Variants in DIAPH3 observed in about 807,000 individuals in gnomAD.
The protein encoded by DIAPH3 is protein diaphanous homolog 3.
In DIAPH3, 117 loss-of-function variants were observed where a neutral mutation model predicts 144.3. The observed-to-expected ratio is 0.81, with a 90% CI of 0.70 to 0.95. The LOEUF is 0.95. Among genes scored for constraint, DIAPH3 ranks in the 40% least tolerant of loss-of-function variants. The pLI, the probability that DIAPH3 is intolerant of heterozygous loss-of-function variation, is 0.00. For synonymous variants in DIAPH3, 519 were observed against 488.9 expected, an observed-to-expected ratio of 1.06 and a Z score of -0.81; for missense variants, 1,421 against 1,412.7, an observed-to-expected ratio of 1.01 and a Z score of -0.09.
intron 20 of DIAPH3, among the ~76,000 whole-genome samples, chr13:59,891,941 T>C (rs1170686031): frequency 6.6e-6 from 1 of 152,006 alleles, no homozygotes; most frequent in African/African-American, 2.4e-5. Flanking sequence ...TCATTGTGTA[T>C]CAAATATTTA....
chr13:60,155,783 A>C (rs1197571121), intron 1 of DIAPH3, among the ~76,000 whole-genome samples: 1 of 152,200 alleles, frequency 6.6e-6, no homozygotes. Context: ...ATCTTTTCCC[A>C]GCTTCCTAGA....
chr13:59,971,839 G>A (rs2050399767), intron 15 of DIAPH3, among the ~76,000 whole-genome samples: 1 of 152,066 alleles, frequency 6.6e-6, no homozygotes, highest in African/African-American at 2.4e-5. Flanking sequence ...TGTACATGCT[G>A]GTCCCTCTGC....
intron 27 of DIAPH3, among the ~76,000 whole-genome samples, chr13:59,693,722 A>G (rs2033655062): frequency 6.6e-6 from 1 of 152,198 alleles, no homozygotes; most frequent in Admixed American, 6.5e-5. Flanking sequence ...AAAGAAAATT[A>G]TTGTAAAATG....
intron 22 of DIAPH3, among the ~76,000 whole-genome samples, chr13:59,852,027 G>GT (rs1162404082): frequency 1.3e-5 from 2 of 152,052 alleles, no homozygotes; most frequent in African/African-American, 4.8e-5. Context: ...CCAAACAGGA[G>GT]TTCAATAAGC....
intron 25 of DIAPH3, among the ~76,000 whole-genome samples, chr13:59,787,606 G>T (rs1372029421): frequency 6.6e-6 from 1 of 151,992 alleles, no homozygotes; most frequent in African/African-American, 2.4e-5. Context: ...ACAATGAAAG[G>T]ATAAGCTGGA....
intron 9 of DIAPH3, among the ~76,000 whole-genome samples, chr13:59,998,594 A>G (rs2052347727): frequency 6.6e-6 from 1 of 152,146 alleles, no homozygotes; most frequent in African/African-American, 2.4e-5. Flanking sequence ...AGATTCAGAA[A>G]ACTGCCAGTA....
chr13:59,696,483 C>G (rs2033808252), intron 27 of DIAPH3, among the ~76,000 whole-genome samples: 1 of 152,170 alleles, frequency 6.6e-6, no homozygotes, highest in African/African-American at 2.4e-5. Flanking sequence ...TGCTATGCAT[C>G]CCATTACGGT....
intron 27 of DIAPH3, among the ~76,000 whole-genome samples, chr13:59,698,919 T>G (rs572835183): frequency 6.6e-6 from 1 of 152,326 alleles, no homozygotes; most frequent in African/African-American, 2.4e-5. Context: ...ATGTCCTCTC[T>G]CCTTTTTGGT....
chr13:59,677,873 G>A (rs2032729496), intron 27 of DIAPH3, among the ~76,000 whole-genome samples: 1 of 152,120 alleles, frequency 6.6e-6, no homozygotes, highest in Admixed American at 6.5e-5. Context: ...AAAGGCTAAA[G>A]ATTAAAAATA....
chr13:60,041,124 CCT>C, intron 5 of DIAPH3, among the ~76,000 whole-genome samples: 1 of 33,166 alleles, frequency 3.0e-5, no homozygotes, highest in African/African-American at 1.4e-4. Context: ...TTTAAATGAA[CCT>C]GGACAAATAT....
intron 2 of DIAPH3, among the ~76,000 whole-genome samples, chr13:60,125,476 T>G (rs957149115): frequency 6.7e-6 from 1 of 148,308 alleles, no homozygotes; most frequent in African/African-American, 2.5e-5. Flanking sequence ...TCTGGGCTCA[T>G]GCAGTCCTCC....
intron 27 of DIAPH3, among the ~76,000 whole-genome samples, chr13:59,773,407 T>A (rs1010434679): frequency 1.3e-5 from 2 of 152,166 alleles, no homozygotes; most frequent in African/African-American, 2.4e-5. Flanking sequence ...AAAAAACTCA[T>A]ACAAAATCTG....
At chr13:59,902,450 C>T (rs1335169197) in intron 20 of DIAPH3, among the ~76,000 whole-genome samples, 3 of 152,160 alleles carry the variant, frequency 2.0e-5, no homozygotes, top group Non-Finnish European at 4.4e-5. Context: ...TCCTGTAAGG[C>T]TCGCAGAACT....
At chr13:59,683,541 T>C (rs1371189164) in intron 27 of DIAPH3, among the ~76,000 whole-genome samples, 2 of 152,036 alleles carry the variant, frequency 1.3e-5, no homozygotes, top group South Asian at 4.1e-4. Flanking sequence ...AGGGGACTCA[T>C]TGAAAGACAA....
In DIAPH3 at chr13:59,992,846, GA is replaced by G. The variant is rs200815478; in HGVS notation, c.1015-264del. 0.029 allele frequency among the ~76,000 whole-genome samples: 2,014 copies of G among 70,048 alleles called. 15 individuals carry two copies. The highest frequency in any genetic ancestry group is 0.062 in the African/African-American group (1,319 of 21,156). 46.0% of individuals were successfully genotyped at this position (70,048 alleles called of 152,430 possible). On this transcript the variant is annotated intron_variant, in intron 9 of 27. Transcript: ENST00000400324. The stretch of plus-strand genomic sequence containing the variant: ...GTTACTACTGCTCCATAAAAAAATA[GA>G]AAAAAAAAAAAAAAAACACTTGTAA...
intron 7 of DIAPH3, among the ~76,000 whole-genome samples, chr13:60,011,030 G>C (rs570582197): frequency 1.3e-5 from 2 of 151,744 alleles, no homozygotes; most frequent in Admixed American, 1.3e-4. Flanking sequence ...ACTTGGACCC[G>C]AGAGGTGGAC....
chr13:59,927,201 A>C (rs2047794307), intron 17 of DIAPH3, among the ~76,000 whole-genome samples: 1 of 152,050 alleles, frequency 6.6e-6, no homozygotes, highest in African/African-American at 2.4e-5. Context: ...GCTTTCAGTC[A>C]CTGTTTATCT....
intron 20 of DIAPH3, among the ~76,000 whole-genome samples, chr13:59,906,690 A>C (rs1201915146): frequency 1.3e-5 from 2 of 152,176 alleles, no homozygotes; most frequent in Non-Finnish European, 2.9e-5. Flanking sequence ...TCTTCCTATA[A>C]ATGTTTGATT....
chr13:59,843,549 C>T (rs2042458499), intron 22 of DIAPH3, among the ~76,000 whole-genome samples: 2 of 152,202 alleles, frequency 1.3e-5, no homozygotes, highest in Non-Finnish European at 2.9e-5. Flanking sequence ...TGAGAAGGAT[C>T]TCACCGCGTA....
Sources: allele counts gnomAD v4.1 joint callset (sites outside exome capture counted in the v4.1 genomes callset), GRCh38; gene constraint gnomAD v4.1.1; transcripts MANE v1.5; gene names NCBI Gene and HGNC (gene_info 2026-07-23, HGNC 2026-07-21).